Variants in SGCZ observed in about 807,000 individuals in gnomAD.
SGCZ encodes the protein sarcoglycan zeta, also known as zeta-sarcoglycan.
In SGCZ, 40 loss-of-function variants were observed where a neutral mutation model predicts 41.3. The observed-to-expected ratio is 0.97, with a 90% CI of 0.75 to 1.26. The LOEUF (loss-of-function observed/expected upper bound fraction) is 1.26. Ranked by LOEUF, SGCZ falls within the 50% of genes most tolerant of loss-of-function variation. SGCZ has a pLI of 0.00. For synonymous variants in SGCZ, 206 were observed against 137.5 expected, an observed-to-expected ratio of 1.50 and a Z score of -3.49; for missense variants, 552 against 369.8, an observed-to-expected ratio of 1.49 and a Z score of -4.04.
intron 1 of SGCZ, among the ~76,000 whole-genome samples, chr8:14,884,164 G>A (rs554443450): frequency 8.9e-4 from 135 of 152,144 alleles, no homozygotes; most frequent in African/African-American, 2.4e-3. Context: ...CAATCACAAC[G>A]TTTCTCTAAG....
chr8:14,391,467 C>A (rs935796781), intron 2 of SGCZ, among the ~76,000 whole-genome samples: 9 of 151,960 alleles, frequency 5.9e-5, no homozygotes, highest in Admixed American at 5.3e-4. Context: ...AATGTTGTAA[C>A]CCAGATTTTG....
chr8:14,798,543 A>G (rs1163052328), intron 1 of SGCZ, among the ~76,000 whole-genome samples: 3 of 152,174 alleles, frequency 2.0e-5, no homozygotes, highest in African/African-American at 7.2e-5. Flanking sequence ...AAAAAGCAAG[A>G]CTTTGGAAAT....
At chr8:14,190,067 C>T (rs1426540240) in intron 4 of SGCZ, among the ~76,000 whole-genome samples, 1 of 123,468 alleles carries the variant, frequency 8.1e-6, no homozygotes, top group Non-Finnish European at 1.6e-5. Context: ...GGCTGGAGTG[C>T]AGTGGCGCCA....
intron 1 of SGCZ, among the ~76,000 whole-genome samples, chr8:14,754,961 C>T (rs1254202109): frequency 6.6e-6 from 1 of 152,168 alleles, no homozygotes; most frequent in Non-Finnish European, 1.5e-5. Context: ...AATTCCTGAG[C>T]TCAAGCGATC....
intron 3 of SGCZ, among the ~76,000 whole-genome samples, chr8:14,252,059 T>C (rs1374894078): frequency 6.6e-6 from 1 of 152,136 alleles, no homozygotes; most frequent in African/African-American, 2.4e-5. Flanking sequence ...TGTTAGCTCT[T>C]CAATAGGGCC....
chr8:14,554,306 A>G (rs1223355432), intron 2 of SGCZ, among the ~76,000 whole-genome samples: 1 of 152,094 alleles, frequency 6.6e-6, no homozygotes, highest in African/African-American at 2.4e-5. Flanking sequence ...GCAGATATAG[A>G]GATATATAAA....
Position 14,974,435 on chromosome 8 carries a change from C to G in SGCZ, c.39+263150G>C, listed in dbSNP as rs550857979. On this transcript the variant is annotated intron_variant, in intron 1 of 7. Transcript: ENST00000382080. ...ATACCTGCAGCACCAAAACTTTCAT[C>G]AGGATACACCTGGAAAGAGAAATCG... 5.1e-4 allele frequency among the ~76,000 whole-genome samples: 78 copies of G among 152,276 alleles called. 1 individual carries two copies. The highest frequency in any genetic ancestry group is 1.8e-3 in the African/African-American group (73 of 41,564).
chr8:14,894,141 TATAAA>T (rs1209653487), intron 1 of SGCZ, among the ~76,000 whole-genome samples: 3 of 152,196 alleles, frequency 2.0e-5, no homozygotes, highest in Non-Finnish European at 4.4e-5. Flanking sequence ...AAGATCTTAA[TATAAA>T]ATATTCACTA....
At chr8:14,188,824 G>GTTTTTTTTTTTTTTTTTTTTTTTTTT (rs145555540) in intron 4 of SGCZ, among the ~76,000 whole-genome samples, 2 of 62,394 alleles carry the variant, frequency 3.2e-5, no homozygotes, top group East Asian at 6.1e-4. Context: ...TTGTTTCTTT[G>GTTTTTTTTTTTTTTTTTTTTTTTTTT]TTTTTTTTTG....
At chr8:14,789,881 C>T (rs1392665037) in intron 1 of SGCZ, among the ~76,000 whole-genome samples, 2 of 152,038 alleles carry the variant, frequency 1.3e-5, no homozygotes, top group Non-Finnish European at 2.9e-5. Flanking sequence ...CATTAATTTT[C>T]GCTTCTTCAA....
At chr8:14,622,669 G>A (rs1806325083) in intron 1 of SGCZ, among the ~76,000 whole-genome samples, 1 of 152,170 alleles carries the variant, frequency 6.6e-6, no homozygotes, top group Non-Finnish European at 1.5e-5. Flanking sequence ...ACTGCTCAAA[G>A]CTAGCAAGTG....
chr8:14,896,875 G>C (rs1399657534), intron 1 of SGCZ, among the ~76,000 whole-genome samples: 1 of 151,954 alleles, frequency 6.6e-6, no homozygotes, highest in African/African-American at 2.4e-5. Flanking sequence ...CCGCCTCCTG[G>C]GTTGAAGCGA....
chr8:14,998,636 CAAG>C (rs1802302890), intron 1 of SGCZ, among the ~76,000 whole-genome samples: 1 of 152,114 alleles, frequency 6.6e-6, no homozygotes, highest in Non-Finnish European at 1.5e-5. Flanking sequence ...ATAGCAAAAG[CAAG>C]AAGAGGAATT....
intron 1 of SGCZ, among the ~76,000 whole-genome samples, chr8:15,054,462 A>G (rs1563471477): frequency 4.0e-5 from 6 of 150,072 alleles, no homozygotes. Context: ...TAACCCCTGG[A>G]GTGCTGCAAT....
At chr8:14,551,474 T>C (rs1388752240) in intron 2 of SGCZ, among the ~76,000 whole-genome samples, 1 of 3,628 alleles carries the variant, frequency 2.8e-4, no homozygotes, top group Non-Finnish European at 5.8e-4. Flanking sequence ...TTATATATAT[T>C]ATATATTATA....
At chr8:15,133,889 G>T (rs573972554) in intron 1 of SGCZ, among the ~76,000 whole-genome samples, 12 of 152,108 alleles carry the variant, frequency 7.9e-5, no homozygotes, top group African/African-American at 2.4e-4. Context: ...GCTAATTTTT[G>T]AGGGAAGTCT....
At chr8:14,435,266 T>C (rs1268065251) in intron 2 of SGCZ, among the ~76,000 whole-genome samples, 1 of 152,202 alleles carries the variant, frequency 6.6e-6, no homozygotes, top group Non-Finnish European at 1.5e-5. Context: ...GCCTTGAATG[T>C]TCAACATCTC....
chr8:14,230,432 A>C (rs1806520191), intron 4 of SGCZ, among the ~76,000 whole-genome samples: 2 of 152,234 alleles, frequency 1.3e-5, no homozygotes, highest in South Asian at 4.1e-4. Context: ...CTACTATATG[A>C]GGCAAATACT....
At chr8:14,686,665 A>T (rs1256626354) in intron 1 of SGCZ, among the ~76,000 whole-genome samples, 1 of 152,084 alleles carries the variant, frequency 6.6e-6, no homozygotes, top group African/African-American at 2.4e-5. Flanking sequence ...AGGTTTAGAC[A>T]TGTTGCAGGG....
Sources: allele counts gnomAD v4.1 joint callset (sites outside exome capture counted in the v4.1 genomes callset), GRCh38; gene constraint gnomAD v4.1.1; transcripts MANE v1.5; gene names NCBI Gene and HGNC (gene_info 2026-07-23, HGNC 2026-07-21).